C12orf42: variants seen among roughly 807,000 people sequenced by gnomAD.
C12orf42 encodes the protein uncharacterized protein C12orf42.
In C12orf42, 25 loss-of-function variants were observed where a neutral mutation model predicts 21.6. That is an observed-to-expected ratio of 1.16 (90% confidence interval 0.84 to 1.62). C12orf42 has a LOEUF of 1.62. C12orf42 is among the 40% of genes most tolerant of loss of function. C12orf42 has a pLI of 0.00. For synonymous variants in C12orf42, 174 were observed against 175.0 expected (o/e 0.99, Z 0.05); for missense variants, 483 against 459.3 (o/e 1.05, Z -0.47).
chr12:103,436,319 G>A (rs996938255), intron 2 of C12orf42, among the ~76,000 whole-genome samples: 4 of 151,752 alleles, frequency 2.6e-5, no homozygotes, highest in South Asian at 4.2e-4. Context: ...AAAGACCATC[G>A]AGACTAGGAA....
intron 4 of C12orf42, among the ~76,000 whole-genome samples, chr12:103,343,604 C>T (rs1287330187): frequency 6.6e-6 from 1 of 151,746 alleles, no homozygotes; most frequent in Non-Finnish European, 1.5e-5. Flanking sequence ...CATGGTGAAA[C>T]CCCGTTTCTA....
At chr12:103,072,124 C>T in the C12orf42 span, among the ~76,000 whole-genome samples, 1 of 152,128 alleles carries the variant, frequency 6.6e-6, no homozygotes, top group Non-Finnish European at 1.5e-5. Flanking sequence ...AAGCAAGTGC[C>T]ATCACTTTTG....
the C12orf42 span, among the ~76,000 whole-genome samples, chr12:103,179,565 G>A: frequency 6.6e-6 from 1 of 151,764 alleles, no homozygotes; most frequent in Non-Finnish European, 1.5e-5. Flanking sequence ...GGATGAGATG[G>A]GAAAAAAGAA....
At chr12:103,247,855 T>C (rs1417364980) in intron 10 of C12orf42, among the ~76,000 whole-genome samples, 2 of 152,164 alleles carry the variant, frequency 1.3e-5, no homozygotes, top group East Asian at 1.9e-4. Context: ...CAGTAGCTAA[T>C]AGCTATTAAA....
In C12orf42 at chr12:103,478,372, T is replaced by A; in HGVS notation, c.55A>T (p.Arg19Ter). 5 of 1,604,664 alleles carry A rather than the reference T, an allele frequency of 3.1e-6. No homozygotes were observed. The highest frequency in any genetic ancestry group is 4.3e-6 in the Non-Finnish European group (5 of 1,174,126). ...ACCTGCATCCTGTTTGCAAAAGGTC[T>A]GATGGTTAGCAAGAATTCTTCTTCC... is the stretch of plus-strand genomic sequence containing the variant. ...QREEEFLLTI[R>*]PFANRMQKSP... Residue 19 changes from arginine (R) to a stop codon, truncating the protein, a stop_gained, in exon 2 of 6, where the codon AGA becomes TGA. Transcript: ENST00000548883. LOFTEE classifies it high-confidence loss of function.
intron 4 of C12orf42, among the ~76,000 whole-genome samples, chr12:103,294,626 AAGAAAGAAAGAAGGAAAAGAAAG>A (rs2037121124): frequency 1.3e-5 from 2 of 150,270 alleles, no homozygotes; most frequent in African/African-American, 4.9e-5. Flanking sequence ...GAAAGAAAGA[AAGAAAGAAAGAAGGAAAAGAAAG>A]AGAAAGAAAG....
At chr12:103,112,631 A>G in the C12orf42 span, among the ~76,000 whole-genome samples, 1 of 152,198 alleles carries the variant, frequency 6.6e-6, no homozygotes, top group Non-Finnish European at 1.5e-5. Flanking sequence ...ACTGCATTCC[A>G]GCCTGGGCAA....
At chr12:103,261,828 G>A (rs1241533009) in intron 10 of C12orf42, among the ~76,000 whole-genome samples, 1 of 152,086 alleles carries the variant, frequency 6.6e-6, no homozygotes, top group Non-Finnish European at 1.5e-5. Context: ...ACCATTAGAA[G>A]GAAAGTTGAG....
At chr12:103,520,724 C>A in the C12orf42 span, among the ~76,000 whole-genome samples, 3 of 152,022 alleles carry the variant, frequency 2.0e-5, no homozygotes, top group Non-Finnish European at 4.4e-5. Flanking sequence ...AAAAACTTAA[C>A]TGAAATAATG....
chr12:103,147,860 C>T, the C12orf42 span, among the ~76,000 whole-genome samples: 1 of 151,886 alleles, frequency 6.6e-6, no homozygotes, highest in Admixed American at 6.6e-5. Flanking sequence ...AGTCTGTTTA[C>T]CCAAGACACA....
the C12orf42 span, among the ~76,000 whole-genome samples, chr12:103,212,817 A>T: frequency 6.6e-6 from 1 of 152,122 alleles, no homozygotes; most frequent in East Asian, 1.9e-4. Context: ...GGCTATCCTG[A>T]AACATAGTAT....
At chr12:103,433,345 A>C (rs1174745203) in intron 2 of C12orf42, among the ~76,000 whole-genome samples, 2 of 152,264 alleles carry the variant, frequency 1.3e-5, no homozygotes, top group Non-Finnish European at 2.9e-5. Flanking sequence ...ACAATTATTA[A>C]TGAATTATGA....
At chr12:103,560,880 CATT>C in the C12orf42 span, among the ~76,000 whole-genome samples, 1 of 152,182 alleles carries the variant, frequency 6.6e-6, no homozygotes, top group South Asian at 2.1e-4. Flanking sequence ...TAGCTGCTGT[CATT>C]GTTCTCACAT....
intron 4 of C12orf42, among the ~76,000 whole-genome samples, chr12:103,359,013 G>T (rs75310012): frequency 0.03 from 4,629 of 151,938 alleles, 206 homozygotes; most frequent in African/African-American, 0.1. Flanking sequence ...CTCAAATCAC[G>T]CTACTCTTTT....
chr12:103,202,550 A>G, the C12orf42 span, among the ~76,000 whole-genome samples: 3 of 152,208 alleles, frequency 2.0e-5, no homozygotes, highest in Non-Finnish European at 2.9e-5. Flanking sequence ...TAAACTGTGT[A>G]TGCTTGCCTC....
intron 4 of C12orf42, among the ~76,000 whole-genome samples, chr12:103,286,585 A>C (rs1019499209): frequency 6.6e-6 from 1 of 151,208 alleles, no homozygotes; most frequent in African/African-American, 2.4e-5. Context: ...CATTATTATT[A>C]TCATTATTAC....
intron 10 of C12orf42, among the ~76,000 whole-genome samples, chr12:103,260,767 T>C (rs2034858184): frequency 6.6e-6 from 1 of 152,146 alleles, no homozygotes; most frequent in Admixed American, 6.5e-5. Flanking sequence ...TTTTGCATAG[T>C]TTATCCAGAA....
chr12:103,356,142 T>C (rs547043905), intron 4 of C12orf42, among the ~76,000 whole-genome samples: 1 of 152,218 alleles, frequency 6.6e-6, no homozygotes, highest in Admixed American at 6.5e-5. Flanking sequence ...GTTCCTTCCC[T>C]ACCTTTCTAG....
At chr12:103,145,709 T>A in the C12orf42 span, among the ~76,000 whole-genome samples, 1 of 152,132 alleles carries the variant, frequency 6.6e-6, no homozygotes. Context: ...TTGTGAAAAA[T>A]TAGAAACCAC....
Sources: gnomAD v4.1 joint callset for allele counts (sites outside exome capture counted in the v4.1 genomes callset) on GRCh38, gnomAD v4.1.1 for gene constraint, MANE v1.5 for transcripts, NCBI Gene and HGNC (gene_info 2026-07-23, HGNC 2026-07-21) for gene names.